The following TAGAP variants were observed in gnomAD, a reference collection of about 807,000 sequenced individuals.
TAGAP encodes the protein T cell activation RhoGTPase activating protein, also known as T-cell activation Rho GTPase-activating protein.
Under a neutral mutation model 36.0 loss-of-function variants are expected in TAGAP, and 16 were observed. That is an observed-to-expected ratio of 0.44 (90% CI 0.30 to 0.68). The LOEUF (loss-of-function observed/expected upper bound fraction) is 0.68. TAGAP is among the 30% of genes least tolerant of loss of function. TAGAP has a pLI of 0.09. For synonymous variants in TAGAP, 372 were observed against 377.4 expected, an observed-to-expected ratio of 0.99 and a Z score of 0.17; for missense variants, 794 against 921.5, an observed-to-expected ratio of 0.86 and a Z score of 1.79.
chr6:159,040,737 G>A lies in TAGAP; in HGVS notation c.573C>T (p.Ile191=). The A allele has an allele frequency of 1.2e-6, 2 of 1,614,026 alleles. No homozygotes were observed. The highest frequency in any genetic ancestry group is 1.7e-6 in the Non-Finnish European group (2 of 1,179,938). Residue 191 remains isoleucine (I), a synonymous_variant, in exon 7 of 10, where the codon ATC becomes ATT. Transcript: ENST00000367066. ...TGATGACTTACTGTTTCAGGGCCTC[G>A]ATTCTGTCCTCCTCGTCCTGCATCT... ...ALEMQDEEDR[I]EALKQVADKL...
chr6:159,041,214 TA>T lies in TAGAP; in HGVS notation c.477+139del. 4.9e-6 allele frequency: 5 copies of T among 1,021,988 alleles called. No homozygotes were observed. Among genetic ancestry groups the T allele is most frequent in the Non-Finnish European group, 7.1e-6 (5 of 706,120 alleles). The allele number at this position is 1,021,988 out of a possible 1,614,324, so 63.3% of individuals were successfully genotyped here. ...CAGAGGTGCTTACTAAATAAATAAA[TA>T]AAGGGCTTAATGAAAAAAATTAAAC... On this transcript the variant is annotated intron_variant, in intron 6 of 9. Transcript: ENST00000367066. This position sits in a 1 kb window ranked among gnomAD's most constrained non-coding sequence, Gnocchi z 4.1.
intron 6 of TAGAP, 165 bp from the exon 7 acceptor site, chr6:159,040,997 C>T (rs958835555): frequency 3.3e-6 from 2 of 610,670 alleles, no homozygotes; most frequent in Admixed American, 5.9e-5. Flanking sequence ...CTCTCTCCAA[C>T]ACCCTTGGCC....
In TAGAP at chr6:159,044,912, T is replaced by A. The variant is rs943101758; in HGVS notation, c.-92A>T. 1.0e-5 allele frequency: 4 copies of A among 398,526 alleles called. No homozygotes were observed. In the East Asian group the frequency reaches 1.4e-4, roughly 14 times the overall value. 24.7% of individuals were successfully genotyped at this position (398,526 alleles called of 1,614,324 possible). Reference sequence around the variant, plus strand: ...GGTCTCTAGCCAGAGTTCTTTTACATCCGGTGAGCTGTAAAGAATGGGAGA... The same window carrying A: ...GGTCTCTAGCCAGAGTTCTTTTACAACCGGTGAGCTGTAAAGAATGGGAGA... On this transcript the variant is annotated 5_prime_UTR_variant, in exon 1 of 10. An upstream start codon of the reference 5' UTR is lost. Transcript: ENST00000367066.
rs764244240 is a variant in TAGAP, at chr6:159,043,654, C to A, written c.83G>T (p.Gly28Val). The change falls in exon 4 of 10, where the codon GGT (glycine) becomes GTT (valine). Residue 28 changes from glycine (G) to valine (V), a missense_variant and splice_region_variant. By Grantham distance (109) the Gly-to-Val change is moderately radical. Coordinates refer to ENST00000367066, the MANE Select transcript of TAGAP (RefSeq NM_054114.5). ...CAACAGGGGATGTTCCTTGATATCA[C>A]CCTAAAAACATTTTTATTTCAGTTA... is the stretch of plus-strand genomic sequence containing the variant. Reference protein sequence around the residue: ...METLIECQSEGDIKEHPLLAS... With the variant: ...METLIECQSEVDIKEHPLLAS... The A allele has an allele frequency of 3.1e-6, 5 of 1,613,844 alleles. No individual in the cohort carries two copies. The South Asian group carries it at 5.5e-5, about 18-fold the overall frequency.
intron 4 of TAGAP, chr6:159,043,204 T>C (rs560892760): frequency 5.6e-6 from 1 of 177,266 alleles, no homozygotes; most frequent in South Asian, 1.1e-4. Flanking sequence ...TGGTGGGTCC[T>C]TTGGGATTTG....
At position 159,041,848 on chromosome 6, in the gene TAGAP, G is replaced by C. The variant is rs966545943; in HGVS notation, c.315+230C>G. 5.3e-6 allele frequency: 3 copies of C among 571,194 alleles called. No homozygotes were observed. Among genetic ancestry groups the C allele is most frequent in the Non-Finnish European group, 9.1e-6 (3 of 329,626 alleles). The allele number at this position is 571,194 out of a possible 1,614,324, so 35.4% of individuals were successfully genotyped here. On this transcript the variant is annotated intron_variant, in intron 5 of 9. Coordinates refer to ENST00000367066, the MANE Select transcript of TAGAP (RefSeq NM_054114.5). The surrounding 1 kb of genome is among the most constrained non-coding windows in gnomAD (Gnocchi z 4.1). ...ACTCTGTGAAGTCAGAGGAATGGCG[G>C]GACCATAGCTCTGAGCTCATTGGCA...
chr6:159,039,187 A>G lies in TAGAP; in HGVS notation c.710T>C (p.Ile237Thr), dbSNP rs1190880855. Residue 237 changes from isoleucine (I) to threonine (T), a missense_variant, in exon 8 of 10, where the codon ATT becomes ACT. Physicochemically the swap from Ile to Thr is moderately conservative, Grantham distance 89 (BLOSUM62 -1). Coordinates refer to ENST00000367066, the MANE Select transcript of TAGAP (RefSeq NM_054114.5). ...RMDSSNLAIC[I>T]GPNMLTLEND... Reference sequence around the variant, plus strand: ...CTCCAGGGTGAGCATGTTGGGTCCAATGCAGATGGCCAGATTGCTGGAGTC... The same window carrying G: ...CTCCAGGGTGAGCATGTTGGGTCCAGTGCAGATGGCCAGATTGCTGGAGTC... 3 of 1,614,172 alleles carry G rather than the reference A, an allele frequency of 1.9e-6. No homozygotes were observed. Among genetic ancestry groups the G allele is most frequent in the Non-Finnish European group, 2.5e-6 (3 of 1,180,022 alleles).
At position 159,035,670 on chromosome 6, in the gene TAGAP, G is replaced by C. The variant is rs1008351563; in HGVS notation, c.*157C>G. 9.3e-6 allele frequency: 6 copies of C among 642,004 alleles called. No homozygotes were observed. In the African/African-American group the frequency reaches 1.1e-4, roughly 12 times the overall value. 39.8% of individuals were successfully genotyped at this position (642,004 alleles called of 1,614,324 possible). A position where few individuals can be genotyped will look rare whatever the true frequency, so the allele number is the denominator to read the frequency against. On this transcript the variant is annotated 3_prime_UTR_variant, in exon 10 of 10. Transcript: ENST00000367066. The stretch of plus-strand genomic sequence containing the variant: ...CAGGTACACAGAGACTATCTGATGC[G>C]CCATGGCCATGGTGTAGCTATCCTC...
At chr6:159,038,917 G>A in intron 8 of TAGAP, 197 bp downstream of exon 8, 1 of 1,426,984 alleles carries the variant, frequency 7.0e-7, no homozygotes, top group Non-Finnish European at 9.2e-7. Context: ...ACAGATGACA[G>A]AAGACACGGA....
chr6:159,035,893 C>G lies in TAGAP; in HGVS notation c.2130G>C (p.Val710=). ...SVQRNKRDCL[V]RRCSQPVFEA... ...CAAAGACCGGCTGGCTACATCGTCG[C>G]ACGAGACAGTCCCGCTTATTCCTCT... Residue 710 remains valine (V), a synonymous_variant, in exon 10 of 10, where the codon GTG becomes GTC. Coordinates refer to ENST00000367066, the MANE Select transcript of TAGAP (RefSeq NM_054114.5). 1 of 1,612,746 alleles carries G rather than the reference C, an allele frequency of 6.2e-7. No homozygotes were observed. Among genetic ancestry groups the G allele is most frequent in the Non-Finnish European group, 8.5e-7 (1 of 1,178,794 alleles).
Position 159,041,155 on chromosome 6 carries a change from C to T in TAGAP, c.477+199G>A. 1 of 695,468 alleles carries T rather than the reference C, an allele frequency of 1.4e-6. No individual in the cohort carries two copies. Among genetic ancestry groups the T allele is most frequent in the Non-Finnish European group, 2.3e-6 (1 of 426,390 alleles). The allele number at this position is 695,468 out of a possible 1,614,324, so 43.1% of individuals were successfully genotyped here. A position where few individuals can be genotyped will look rare whatever the true frequency, so the allele number is the denominator to read the frequency against. On this transcript the variant is annotated intron_variant, in intron 6 of 9. Coordinates refer to ENST00000367066, the MANE Select transcript of TAGAP (RefSeq NM_054114.5). The surrounding 1 kb of genome is among the most constrained non-coding windows in gnomAD (Gnocchi z 4.1). ...GGCAAAGTTTTGGGAGAGCAGAATG[C>T]ATCACTTTCTGTTGGAATCTGAGGT...
chr6:159,035,701 G>A lies in TAGAP; in HGVS notation c.*126C>T, dbSNP rs1779501664. 4.3e-6 allele frequency: 4 copies of A among 938,682 alleles called. No homozygotes were observed. The highest frequency in any genetic ancestry group is 4.7e-6 in the Non-Finnish European group (3 of 643,888). The allele number at this position is 938,682 out of a possible 1,614,324, so 58.1% of individuals were successfully genotyped here. On this transcript the variant is annotated 3_prime_UTR_variant, in exon 10 of 10. Transcript: ENST00000367066. ...GCCATGGTGTAGCTATCCTCACTGA[G>A]GAGGGCTTTCCACAACTTTCTCAAG...
chr6:159,038,151 G>C lies in TAGAP; in HGVS notation c.861C>G (p.Ile287Met). ...TGTGCTCCAGGGAGTCATCAGAAGTGATACTGGAATGCACTGGAATGTTCT... is the reference window on the plus strand; with the variant it reads ...TGTGCTCCAGGGAGTCATCAGAAGTCATACTGGAATGCACTGGAATGTTCT... ...FGENIPVHSS[I>M]TSDDSLEHTD... Residue 287 changes from isoleucine (I) to methionine (M), a missense_variant, in exon 9 of 10, where the codon ATC becomes ATG. By Grantham distance (10) the Ile-to-Met change is conservative. Transcript: ENST00000367066. The C allele has an allele frequency of 1.2e-6, 2 of 1,612,466 alleles. No individual in the cohort carries two copies. The highest frequency in any genetic ancestry group is 1.7e-6 in the Non-Finnish European group (2 of 1,178,868).
intron 4 of TAGAP, 24 bp from the exon 5 acceptor site, chr6:159,042,268 C>G (rs753519643): frequency 6.3e-7 from 1 of 1,597,552 alleles, no homozygotes; most frequent in African/African-American, 1.4e-5. Context: ...AACAAGGCAA[C>G]GAGAAAAATT....
chr6:159,037,442 G>T lies in TAGAP; in HGVS notation c.899-318C>A, dbSNP rs1416797638. 6.6e-6 allele frequency among the ~76,000 whole-genome samples: 1 copy of T among 152,102 alleles called. No homozygotes were observed. On this transcript the variant is annotated intron_variant, in intron 9 of 9. Coordinates refer to ENST00000367066, the MANE Select transcript of TAGAP (RefSeq NM_054114.5). This position sits in a 1 kb window ranked among gnomAD's most constrained non-coding sequence, Gnocchi z 5.1. ...GATCTCAGGTAATCTGCCTGCCTTG[G>T]CCTCCCAAAGTGCTGGGATTATAGG...
chr6:159,044,565 G>A (rs1048931920), intron 1 of TAGAP, among the ~76,000 whole-genome samples: 10 of 151,530 alleles, frequency 6.6e-5, no homozygotes, highest in Non-Finnish European at 7.4e-5. Context: ...AACTTTTTTG[G>A]TGGAGTGCTG....
rs766011091 is a variant in TAGAP at position 159,036,357 on chromosome 6, C to T, written c.1666G>A (p.Glu556Lys). 7 of 1,613,814 alleles carry T rather than the reference C, an allele frequency of 4.3e-6. No homozygotes were observed. The African/African-American group carries it at 6.7e-5, about 15-fold the overall frequency. The change falls in exon 10 of 10, where the codon GAA becomes AAA. Residue 556 changes from glutamate (E) to lysine (K), a missense_variant. Transcript: ENST00000367066. This position sits in a 1 kb window ranked among gnomAD's most constrained non-coding sequence, Gnocchi z 4.9. ...TGGTTGTGGGTTTCACACCCATTTT[C>T]CTGCACGATTCGGCCGGCAAGCTGG... ...ESQLAGRIVQENGCETHNQTA... is the reference protein window; with the variant it reads ...ESQLAGRIVQKNGCETHNQTA...
In TAGAP at chr6:159,044,018, T is replaced by C. The variant is rs762723607; in HGVS notation, c.41A>G (p.Asn14Ser). The C allele has an allele frequency of 3.1e-6, 5 of 1,613,876 alleles. No individual in the cohort carries two copies. The highest frequency in any genetic ancestry group is 4.2e-6 in the Non-Finnish European group (5 of 1,179,900). Residue 14 changes from asparagine (N) to serine (S), a missense_variant, in exon 3 of 10, where the codon AAC becomes AGC. By Grantham distance (46) the Asn-to-Ser change is conservative. Transcript: ENST00000367066. ...GATTAGTGTCTCCATATTATTGGCG[T>C]TTAGTGTTTTTGACTAAAAGAGAAA... ...RSSHNASKTLNANNMETLIEC... is the reference protein window; with the variant it reads ...RSSHNASKTLSANNMETLIEC...
chr6:159,043,212 T>C (rs893844353), intron 4 of TAGAP, among the ~76,000 whole-genome samples: 1 of 152,212 alleles, frequency 6.6e-6, no homozygotes, highest in African/African-American at 2.4e-5. Flanking sequence ...CCTTTGGGAT[T>C]TGAGATCAGC....
Sources: gnomAD v4.1 joint callset for allele counts (sites outside exome capture counted in the v4.1 genomes callset) on GRCh38, gnomAD v4.1.1 for gene constraint, Gnocchi (gnomAD v3.1) non-coding constraint, MANE v1.5 for transcripts, NCBI Gene and HGNC (gene_info 2026-07-23, HGNC 2026-07-21) for gene names.